Variants in DLG2 observed in about 807,000 individuals in gnomAD.
DLG2 encodes the protein discs large MAGUK scaffold protein 2, also known as disks large homolog 2.
A neutral mutation model predicts 132.5 loss-of-function variants in DLG2; 45 were observed. The ratio of observed to expected loss-of-function variants is 0.34; its 90% confidence interval spans 0.27 to 0.44. The LOEUF is 0.44. Ranked by LOEUF, DLG2 falls within the 20% of genes least tolerant of loss-of-function variation. The pLI is 1.00. For missense variants in DLG2, 1,045 were observed against 1,196.9 expected (o/e 0.87, Z 1.87); for synonymous variants, 424 against 419.6 (o/e 1.01, Z -0.13).
chr11:85,476,069 A>G (rs974807277), intron 3 of DLG2, among the ~76,000 whole-genome samples: 1 of 152,142 alleles, frequency 6.6e-6, no homozygotes, highest in African/African-American at 2.4e-5. Flanking sequence ...AATAGAGTGT[A>G]CTTACACAAA....
intron 5 of DLG2, among the ~76,000 whole-genome samples, chr11:85,143,541 T>C (rs1005962397): frequency 9.9e-5 from 15 of 151,842 alleles, no homozygotes; most frequent in African/African-American, 3.4e-4. Flanking sequence ...TTGAAATTTC[T>C]CTACTTTTTA....
chr11:85,398,113 T>A (rs1380405089), intron 3 of DLG2, among the ~76,000 whole-genome samples: 1 of 152,030 alleles, frequency 6.6e-6, no homozygotes, highest in Non-Finnish European at 1.5e-5. Flanking sequence ...CAGAAATCAG[T>A]ATTAAGAAAC....
chr11:85,195,465 A>G (rs1032635841), intron 4 of DLG2, among the ~76,000 whole-genome samples: 19 of 151,950 alleles, frequency 1.3e-4, no homozygotes, highest in Admixed American at 2.0e-4. Flanking sequence ...CCAAGTAGAA[A>G]CCTAGAATTG....
chr11:83,900,839 TAGATC>T (rs1410818070), intron 15 of DLG2, among the ~76,000 whole-genome samples: 2 of 152,064 alleles, frequency 1.3e-5, no homozygotes, highest in Non-Finnish European at 2.9e-5. Context: ...CCCAGAATGG[TAGATC>T]CACTGACAGC....
chr11:84,023,854 G>GA lies in DLG2; in HGVS notation c.919+35460dup, dbSNP rs1402593149. On this transcript the variant is annotated intron_variant, in intron 11 of 27. Coordinates refer to ENST00000376104, the MANE Select transcript of DLG2 (RefSeq NM_001142699.3). ...ACCTACTCAATGTGAAGATGATTAG[G>GA]ATGAAGACCTTTACAATAATCCGCT... is the stretch of plus-strand genomic sequence containing the variant. Among the ~76,000 whole-genome samples the GA allele has an allele frequency of 1.3e-5, 2 of 151,966 alleles. 1 individual carries two copies.
rs573206878 is a variant in DLG2 at position 83,655,283 on chromosome 11, A to G, written c.1826-21958T>C. 3.3e-5 allele frequency among the ~76,000 whole-genome samples: 5 copies of G among 152,376 alleles called. No individual in the cohort carries two copies. In the South Asian group the frequency reaches 1.0e-3, roughly 32 times the overall value. On this transcript the variant is annotated intron_variant, in intron 18 of 27. Transcript: ENST00000376104. ...ATGAAGAAAAGAGTATAAGAAGAAA[A>G]GAATGAAAGACAATAAACATGAACA...
intron 6 of DLG2, among the ~76,000 whole-genome samples, chr11:84,773,752 G>A (rs2069852237): frequency 6.6e-6 from 1 of 151,960 alleles, no homozygotes; most frequent in South Asian, 2.1e-4. Context: ...TCATAATAAT[G>A]ACCCTCAACA....
intron 6 of DLG2, chr11:84,762,222 CT>C (rs1292059491): frequency 2.6e-5 from 4 of 152,120 alleles, no homozygotes; most frequent in Non-Finnish European, 4.4e-5. Flanking sequence ...TTTTATTACA[CT>C]TGCCAACTGT....
intron 7 of DLG2, among the ~76,000 whole-genome samples, chr11:84,392,137 CT>C (rs1460771032): frequency 6.6e-6 from 1 of 152,160 alleles, no homozygotes; most frequent in African/African-American, 2.4e-5. Context: ...GGAAGCTTTC[CT>C]TTACACCTTA....
intron 6 of DLG2, among the ~76,000 whole-genome samples, chr11:84,884,428 T>C (rs1306722328): frequency 6.6e-6 from 1 of 152,106 alleles, no homozygotes; most frequent in Non-Finnish European, 1.5e-5. Context: ...CTACTTGAAT[T>C]CAATTAAAAG....
At chr11:83,607,500 A>G (rs2153398072) in intron 19 of DLG2, among the ~76,000 whole-genome samples, 1 of 152,292 alleles carries the variant, frequency 6.6e-6, no homozygotes, top group African/African-American at 2.4e-5. Context: ...TCCATCCACG[A>G]CAGAGTCTTA....
At chr11:84,360,836 T>C (rs2098645651) in intron 7 of DLG2, among the ~76,000 whole-genome samples, 1 of 151,810 alleles carries the variant, frequency 6.6e-6, no homozygotes, top group Non-Finnish European at 1.5e-5. Flanking sequence ...GGTAAGAATG[T>C]TTAAGAAGCT....
At chr11:84,743,037 T>C (rs1034505553) in intron 6 of DLG2, among the ~76,000 whole-genome samples, 4 of 152,162 alleles carry the variant, frequency 2.6e-5, no homozygotes, top group African/African-American at 9.7e-5. Flanking sequence ...TCTTAAATAA[T>C]TCACAAGATT....
intron 25 of DLG2, among the ~76,000 whole-genome samples, chr11:83,467,793 A>G (rs1287750895): frequency 1.4e-4 from 15 of 109,292 alleles, no homozygotes; most frequent in Non-Finnish European, 2.5e-4. Flanking sequence ...ATATATATAT[A>G]TATATATATA....
At chr11:83,518,271 TG>T (rs2095363455) in intron 21 of DLG2, among the ~76,000 whole-genome samples, 1 of 152,206 alleles carries the variant, frequency 6.6e-6, no homozygotes, top group East Asian at 1.9e-4. Context: ...GATCTCAGAC[TG>T]CTGTGCTAGC....
intron 3 of DLG2, among the ~76,000 whole-genome samples, chr11:85,372,420 T>A (rs929867329): frequency 6.6e-6 from 1 of 152,064 alleles, no homozygotes; most frequent in African/African-American, 2.4e-5. Context: ...TGATAAGGAG[T>A]CCATGCAACC....
chr11:84,223,854 C>G (rs986665402), intron 8 of DLG2, among the ~76,000 whole-genome samples: 1 of 152,172 alleles, frequency 6.6e-6, no homozygotes, highest in African/African-American at 2.4e-5. Flanking sequence ...GTGCATCTGG[C>G]AAAAATTATG....
At chr11:85,062,312 T>G (rs1247082156) in intron 6 of DLG2, among the ~76,000 whole-genome samples, 2 of 151,792 alleles carry the variant, frequency 1.3e-5, no homozygotes, top group African/African-American at 4.8e-5. Context: ...TAATTTGTGT[T>G]TGATCATTGC....
chr11:83,995,247 G>C (rs2093961923), intron 11 of DLG2, among the ~76,000 whole-genome samples: 1 of 152,092 alleles, frequency 6.6e-6, no homozygotes, highest in African/African-American at 2.4e-5. Context: ...AACAGCATAT[G>C]TTAGTACATT....
Sources: allele counts gnomAD v4.1 joint callset (sites outside exome capture counted in the v4.1 genomes callset), GRCh38; gene constraint gnomAD v4.1.1; transcripts MANE v1.5; gene names NCBI Gene and HGNC (gene_info 2026-07-23, HGNC 2026-07-21).